FGFR2: variants seen among roughly 807,000 people sequenced by gnomAD.
FGFR2 encodes BEK fibroblast growth factor receptor.
In FGFR2, 19 loss-of-function variants were observed where a neutral mutation model predicts 95.9. The observed-to-expected ratio is 0.20, with a 90% CI of 0.14 to 0.29. The LOEUF (loss-of-function observed/expected upper bound fraction) is 0.29, where lower values mean the gene tolerates loss of function less well. Among genes scored for constraint, FGFR2 ranks in the 10% least tolerant of loss-of-function variants. FGFR2 has a pLI of 1.00. For missense variants in FGFR2, 707 were observed against 1,056.9 expected, an observed-to-expected ratio of 0.67 and a Z score of 4.59; for synonymous variants, 392 against 393.3, an observed-to-expected ratio of 1.00 and a Z score of 0.04.
intron 5 of FGFR2, 53 bp downstream of exon 5, chr10:121,551,237 A>G (rs1589955240): frequency 6.2e-7 from 1 of 1,603,700 alleles, no homozygotes; most frequent in East Asian, 2.2e-5. Flanking sequence ...AAATGTAAAT[A>G]AATAAATAAA....
intron 14 of FGFR2, among the ~76,000 whole-genome samples, chr10:121,487,642 A>G (rs1022184071): frequency 6.6e-6 from 1 of 152,192 alleles, no homozygotes; most frequent in Non-Finnish European, 1.5e-5. Context: ...TCTATCCTTT[A>G]TCTCCCTAGC....
At chr10:121,547,963 TC>T (rs1406044096) in intron 5 of FGFR2, among the ~76,000 whole-genome samples, 1 of 152,158 alleles carries the variant, frequency 6.6e-6, no homozygotes, top group Non-Finnish European at 1.5e-5. Flanking sequence ...GAAGGAACCT[TC>T]CCAGGAGATG....
chr10:121,597,436 T>G (rs1029470197), intron 1 of FGFR2, among the ~76,000 whole-genome samples: 41 of 152,086 alleles, frequency 2.7e-4, no homozygotes, highest in African/African-American at 9.4e-4. Flanking sequence ...AGCCGTCGCC[T>G]CCCCAGCAGT....
chr10:121,515,164 C>T lies in FGFR2; in HGVS notation c.1240G>A (p.Ala414Thr), dbSNP rs769880096. ...ATACGTTTGGTCAGCTTGTGCACAG[C>T]CGGCTGGCTGCTGAAGTCTGGCTTC... Reference protein sequence around the residue: ...TKKPDFSSQPAVHKLTKRIPL... With the variant: ...TKKPDFSSQPTVHKLTKRIPL... Residue 414 changes from alanine to threonine, a missense_variant, in exon 9 of 18, where the codon GCT becomes ACT. Transcript: ENST00000358487. 3.6e-5 allele frequency: 58 copies of T among 1,614,084 alleles called. No homozygotes were observed. The highest frequency in any genetic ancestry group is 4.6e-5 in the Non-Finnish European group (54 of 1,180,050).
intron 13 of FGFR2, among the ~76,000 whole-genome samples, chr10:121,491,749 A>T (rs1846157450): frequency 6.6e-6 from 1 of 152,076 alleles, no homozygotes; most frequent in African/African-American, 2.4e-5. Flanking sequence ...AAGCGCCTGT[A>T]GTCCCAGCTA....
intron 6 of FGFR2, among the ~76,000 whole-genome samples, chr10:121,532,312 A>G (rs575003118): frequency 2.6e-4 from 40 of 152,276 alleles, no homozygotes; most frequent in Middle Eastern, 3.4e-3. Context: ...ACGTCTCTGG[A>G]CGTGCAGAAT....
chr10:121,487,847 T>C, intron 14 of FGFR2, 144 bp downstream of exon 14: 1 of 1,006,090 alleles, frequency 9.9e-7, no homozygotes, highest in East Asian at 2.4e-5. Flanking sequence ...AGTTTGTGAA[T>C]AGTAAGTCAA....
rs563319868 is a variant in FGFR2 at position 121,488,498 on chromosome 10, G to A, written c.1864-385C>T. Among the ~76,000 whole-genome samples, 8 of 142,616 alleles carry A rather than the reference G, an allele frequency of 5.6e-5. No individual in the cohort carries two copies. In the South Asian group the frequency reaches 8.9e-4, roughly 16 times the overall value. The allele number at this position is 142,616 out of a possible 152,430, so 93.6% of individuals were successfully genotyped here. ...AGAGGTTGCAGTGAGCTGAGATCAC[G>A]CCATTGCACTCCAGCCTGGGTGACA... is the stretch of plus-strand genomic sequence containing the variant. On this transcript the variant is annotated intron_variant, in intron 13 of 17. Coordinates refer to ENST00000358487, the MANE Select transcript of FGFR2 (RefSeq NM_000141.5).
At chr10:121,515,431 A>G in intron 8 of FGFR2, 112 bp from the exon 9 acceptor site, 1 of 1,096,454 alleles carries the variant, frequency 9.1e-7, no homozygotes, top group Non-Finnish European at 1.4e-6. Flanking sequence ...ACCATTCTCA[A>G]GGCAAGGTGG....
rs747171741 is a variant in FGFR2, at chr10:121,520,146, G to A, written c.772C>T (p.Leu258Phe). Residue 258 changes from leucine to phenylalanine, a missense_variant, in exon 7 of 18, where the codon CTC (leucine) becomes TTC (phenylalanine). Physicochemically the swap from Leu to Phe is conservative, Grantham distance 22. Transcript: ENST00000358487. ...VVERSPHRPI[L>F]QAGLPANAST... ...GCATTTGCCGGCAGTCCGGCTTGGA[G>A]GATGGGCCGGTGAGGCGATCGCTCT... The A allele has an allele frequency of 4.1e-5, 66 of 1,613,768 alleles. No individual in the cohort carries two copies. Among genetic ancestry groups the A allele is most frequent in the Non-Finnish European group, 5.4e-5 (64 of 1,179,868 alleles).
intron 6 of FGFR2, chr10:121,526,601 A>G (rs1851400190): frequency 5.0e-6 from 2 of 397,566 alleles, no homozygotes; most frequent in African/African-American, 2.1e-5. Context: ...TGATTAGCAG[A>G]AAAAGGGAAC....
intron 5 of FGFR2, among the ~76,000 whole-genome samples, chr10:121,548,193 G>C (rs1854808670): frequency 7.0e-6 from 1 of 142,590 alleles, no homozygotes; most frequent in Non-Finnish European, 1.5e-5. Context: ...AGAAAGGAGA[G>C]GACCACGCCA....
At chr10:121,595,443 A>G (rs1302002958) in intron 1 of FGFR2, among the ~76,000 whole-genome samples, 3 of 152,090 alleles carry the variant, frequency 2.0e-5, no homozygotes, top group Non-Finnish European at 4.4e-5. Context: ...GTGTGTGTGT[A>G]CACGGTGTGT....
At chr10:121,492,862 C>T (rs1330328509) in intron 13 of FGFR2, among the ~76,000 whole-genome samples, 2 of 152,126 alleles carry the variant, frequency 1.3e-5, no homozygotes, top group African/African-American at 4.8e-5. Context: ...GACAATGAGG[C>T]CACACTGGGG....
At chr10:121,572,622 CA>C (rs765977820) in intron 2 of FGFR2, among the ~76,000 whole-genome samples, 16 of 146,222 alleles carry the variant, frequency 1.1e-4, no homozygotes, top group African/African-American at 3.5e-4. Flanking sequence ...CTGTCTCAAA[CA>C]AAAAAAAAAC....
chr10:121,575,016 C>T (rs1255899029), intron 2 of FGFR2, among the ~76,000 whole-genome samples: 2 of 152,190 alleles, frequency 1.3e-5, no homozygotes, highest in Non-Finnish European at 2.9e-5. Flanking sequence ...AGCTAACAGC[C>T]GCCTCTGCAG....
intron 5 of FGFR2, among the ~76,000 whole-genome samples, chr10:121,538,924 A>G (rs964386545): frequency 6.6e-6 from 1 of 152,240 alleles, no homozygotes; most frequent in Admixed American, 6.5e-5. Context: ...AAATATTGAC[A>G]TATTCAGATC....
chr10:121,496,792 A>G (rs945566038), intron 12 of FGFR2, 70 bp from the exon 13 acceptor site: 5 of 1,360,618 alleles, frequency 3.7e-6, no homozygotes, highest in East Asian at 2.3e-5. Context: ...TCAGCAAAAC[A>G]TTTTTAGTTA....
At chr10:121,564,169 G>A (rs1035878707) in intron 4 of FGFR2, among the ~76,000 whole-genome samples, 2 of 152,146 alleles carry the variant, frequency 1.3e-5, no homozygotes. Flanking sequence ...CTGATTACAA[G>A]GAAAACCAAG....
Sources: allele counts gnomAD v4.1 joint callset (sites outside exome capture counted in the v4.1 genomes callset), GRCh38; gene constraint gnomAD v4.1.1; transcripts MANE v1.5; gene names NCBI Gene and HGNC (gene_info 2026-07-23, HGNC 2026-07-21).